The following TRAPPC9 variants were observed in gnomAD, a reference collection of about 807,000 sequenced individuals.
TRAPPC9 encodes IKK2 binding protein.
Under a neutral mutation model 124.0 loss-of-function variants are expected in TRAPPC9, and 83 were observed. The observed-to-expected ratio is 0.67, with a 90% CI of 0.56 to 0.80. The LOEUF (loss-of-function observed/expected upper bound fraction) is 0.80. TRAPPC9 is among the 30% of genes least tolerant of loss of function. The pLI, the probability that TRAPPC9 is intolerant of heterozygous loss-of-function variation, is 0.00. For missense variants in TRAPPC9, 1,302 were observed against 1,508.3 expected (o/e 0.86, Z 2.27); for synonymous variants, 638 against 617.5 (o/e 1.03, Z -0.49).
chr8:140,259,122 T>C (rs1422882983), intron 15 of TRAPPC9, among the ~76,000 whole-genome samples: 3 of 152,218 alleles, frequency 2.0e-5, no homozygotes, highest in African/African-American at 4.8e-5. Context: ...GAATCCCCTC[T>C]CACGGCTGCT....
At chr8:140,167,461 C>G (rs536620568) in intron 17 of TRAPPC9, among the ~76,000 whole-genome samples, 1 of 152,268 alleles carries the variant, frequency 6.6e-6, no homozygotes, top group East Asian at 1.9e-4. Context: ...CAACAGTCCT[C>G]GGAAAGCCAT....
intron 8 of TRAPPC9, among the ~76,000 whole-genome samples, chr8:140,361,786 T>G (rs1192024542): frequency 6.6e-6 from 1 of 152,182 alleles, no homozygotes; most frequent in East Asian, 1.9e-4. Flanking sequence ...ACCTGAAGAC[T>G]GTGCGTTACT....
At chr8:140,185,236 C>T (rs577622793) in intron 17 of TRAPPC9, among the ~76,000 whole-genome samples, 17 of 152,328 alleles carry the variant, frequency 1.1e-4, no homozygotes, top group East Asian at 1.9e-4. Flanking sequence ...AAGGACAGGA[C>T]GCACCCCTGC....
At chr8:140,193,366 AAACT>A (rs1414318312) in intron 17 of TRAPPC9, among the ~76,000 whole-genome samples, 6 of 152,302 alleles carry the variant, frequency 3.9e-5, no homozygotes, top group South Asian at 2.1e-4. Flanking sequence ...AATTTCACCC[AAACT>A]GAGTGACCTG....
chr8:139,736,957 A>C (rs979790483), intron 21 of TRAPPC9, among the ~76,000 whole-genome samples: 2 of 152,238 alleles, frequency 1.3e-5, no homozygotes, highest in Non-Finnish European at 2.9e-5. Context: ...AGCCAGGGCC[A>C]CCGTCCATTA....
intron 18 of TRAPPC9, among the ~76,000 whole-genome samples, chr8:139,994,570 G>A (rs560133972): frequency 3.3e-5 from 5 of 152,314 alleles, no homozygotes; most frequent in African/African-American, 7.2e-5. Context: ...TGGTTGCCAC[G>A]GCAATAGCTA....
At chr8:139,964,084 C>A (rs545361281) in intron 19 of TRAPPC9, among the ~76,000 whole-genome samples, 34 of 152,026 alleles carry the variant, frequency 2.2e-4, no homozygotes, top group African/African-American at 7.7e-4. Flanking sequence ...ATTAGCCGGG[C>A]GTGGTGGCGG....
chr8:140,093,425 T>C (rs777451942), intron 17 of TRAPPC9, among the ~76,000 whole-genome samples: 65 of 152,228 alleles, frequency 4.3e-4, no homozygotes, highest in Non-Finnish European at 8.4e-4. Flanking sequence ...CCCACCATTC[T>C]GGGAGGCCAA....
intron 17 of TRAPPC9, among the ~76,000 whole-genome samples, chr8:140,027,338 A>G (rs778802642): frequency 6.6e-6 from 1 of 152,258 alleles, no homozygotes; most frequent in Non-Finnish European, 1.5e-5. Context: ...GGTCATGGAA[A>G]TAAACAAACT....
intron 19 of TRAPPC9, among the ~76,000 whole-genome samples, chr8:139,977,171 G>A (rs190332374): frequency 3.3e-5 from 5 of 152,228 alleles, no homozygotes; most frequent in East Asian, 1.9e-4. Context: ...TTCTGGGGAC[G>A]AGAGGGCTTG....
At chr8:140,220,565 A>G (rs2063316454) in intron 17 of TRAPPC9, among the ~76,000 whole-genome samples, 1 of 152,168 alleles carries the variant, frequency 6.6e-6, no homozygotes. Context: ...ATCCACTGAC[A>G]TGACCTCCAT....
Position 140,354,239 on chromosome 8 carries a change from C to A in TRAPPC9, c.1495+5811G>T, listed in dbSNP as rs574497962. ...CATGCAGTTCACAGGACCAGGTTTG[C>A]ATGCACAACCCATGAGGCTTCAGAG... On this transcript the variant is annotated intron_variant, in intron 9 of 22. Coordinates refer to ENST00000438773, the MANE Select transcript of TRAPPC9 (RefSeq NM_001160372.4). Among the ~76,000 whole-genome samples the A allele has an allele frequency of 3.3e-5, 5 of 152,300 alleles. No individual in the cohort carries two copies. In the South Asian group the frequency reaches 1.0e-3, roughly 32 times the overall value.
intron 19 of TRAPPC9, among the ~76,000 whole-genome samples, chr8:139,922,388 T>C (rs943466297): frequency 3.9e-5 from 6 of 152,248 alleles, no homozygotes; most frequent in Middle Eastern, 3.2e-3. Context: ...TTCACCATAT[T>C]GGCCAGGCTG....
chr8:140,149,568 TGA>T (rs2061511886), intron 17 of TRAPPC9, among the ~76,000 whole-genome samples: 1 of 150,192 alleles, frequency 6.7e-6, no homozygotes, highest in Non-Finnish European at 1.5e-5. Flanking sequence ...AGTGGTGAGC[TGA>T]GAGAGATCAT....
At chr8:139,781,815 G>C (rs935764304) in intron 21 of TRAPPC9, among the ~76,000 whole-genome samples, 2 of 152,090 alleles carry the variant, frequency 1.3e-5, no homozygotes, top group Non-Finnish European at 2.9e-5. Context: ...TCTAGAAATA[G>C]TGTATAAAAA....
chr8:139,777,832 C>T (rs920699406), intron 21 of TRAPPC9, among the ~76,000 whole-genome samples: 1 of 152,158 alleles, frequency 6.6e-6, no homozygotes, highest in East Asian at 1.9e-4. Context: ...AGAATCATCC[C>T]AGCTCATTGT....
intron 9 of TRAPPC9, among the ~76,000 whole-genome samples, chr8:140,325,948 A>G (rs528916084): frequency 1.3e-5 from 2 of 152,298 alleles, no homozygotes; most frequent in South Asian, 2.1e-4. Flanking sequence ...CCAAAGCACT[A>G]TACAATAAGA....
intron 4 of TRAPPC9, 69 bp downstream of exon 4, chr8:140,435,043 A>T: frequency 1.2e-6 from 2 of 1,610,926 alleles, no homozygotes; most frequent in Non-Finnish European, 1.7e-6. Context: ...CAAAGGAAAA[A>T]GTAACAAATG....
chr8:140,219,244 G>A (rs1040017523), intron 17 of TRAPPC9, among the ~76,000 whole-genome samples: 2 of 152,200 alleles, frequency 1.3e-5, no homozygotes, highest in African/African-American at 2.4e-5. Flanking sequence ...CGATCATCGC[G>A]AGGGCAGCCT....
Sources: allele counts gnomAD v4.1 joint callset (sites outside exome capture counted in the v4.1 genomes callset), GRCh38; gene constraint gnomAD v4.1.1; transcripts MANE v1.5; gene names NCBI Gene and HGNC (gene_info 2026-07-23, HGNC 2026-07-21).